The following EPS15L1 variants were observed in gnomAD, a reference collection of about 807,000 sequenced individuals.
EPS15L1 encodes epidermal growth factor receptor pathway substrate 15 like 1.
In EPS15L1, 43 loss-of-function variants were observed where a neutral mutation model predicts 117.1. The ratio of observed to expected loss-of-function variants is 0.37; its 90% CI spans 0.29 to 0.47. The LOEUF is 0.47. EPS15L1 is among the 20% of genes least tolerant of loss of function. EPS15L1 has a pLI of 0.99. For missense variants in EPS15L1, 981 were observed against 1,164.0 expected (o/e 0.84, Z 2.29); for synonymous variants, 459 against 470.5 (o/e 0.98, Z 0.32).
chr19:16,398,396 A>G (rs566782405), intron 16 of EPS15L1, among the ~76,000 whole-genome samples: 63 of 152,364 alleles, frequency 4.1e-4, no homozygotes, highest in Admixed American at 9.8e-4. Context: ...AGCTGGAGAC[A>G]GTGCTGAGTG....
Position 16,463,975 on chromosome 19 carries a change from A to G in EPS15L1, c.33+7938T>C, listed in dbSNP as rs112350245. Among the ~76,000 whole-genome samples, 25 of 152,360 alleles carry G rather than the reference A, an allele frequency of 1.6e-4. 1 individual carries two copies. The highest frequency in any genetic ancestry group is 5.5e-4 in the African/African-American group (23 of 41,588). On this transcript the variant is annotated intron_variant, in intron 1 of 23. Transcript: ENST00000455140. ...TGCGCAGATGACAGAAAGAGGGGCC[A>G]GGGGGCCACAGAGCAGAGGGAATGA...
rs2092405915 is a variant in EPS15L1 at position 16,385,143 on chromosome 19, T to A, written c.2233A>T (p.Ser745Cys). ...FNSAEGFADF[S>C]QMSKPPPSGP... ...AGGGGCTTTACCTTGGACATCTGGC[T>A]GAAGTCGGCAAAGCCTTCAGCACTA... is the stretch of plus-strand genomic sequence containing the variant. Residue 745 changes from serine (S) to cysteine (C), a missense_variant, in exon 21 of 24, where the codon AGC becomes TGC. By Grantham distance (112) the Ser-to-Cys change is moderately radical. This residue lies in a region of EPS15L1 where 819 missense variants were observed against 949.0 expected (regional missense o/e 0.86). Transcript: ENST00000455140. 1 of 1,613,968 alleles carries A rather than the reference T, an allele frequency of 6.2e-7. No homozygotes were observed. Among genetic ancestry groups the A allele is most frequent in the Admixed American group, 1.7e-5 (1 of 60,008 alleles).
At chr19:16,391,100 G>GT (rs1555744602) in intron 19 of EPS15L1, among the ~76,000 whole-genome samples, 2 of 152,240 alleles carry the variant, frequency 1.3e-5, no homozygotes, top group East Asian at 1.9e-4. Flanking sequence ...TTGAACCATC[G>GT]TAAGTCAGGG....
chr19:16,436,967 C>T lies in EPS15L1; in HGVS notation c.342G>A (p.Pro114=), dbSNP rs33914440. 0.064 allele frequency: 103,737 copies of T among 1,613,204 alleles called. 3,877 individuals are homozygous for T. Among genetic ancestry groups the T allele is most frequent in the Non-Finnish European group, 0.078 (92,208 of 1,179,192 alleles). ...HDTSSPLMVT[P]PSAEAHWAVR... ...CAGCCCAGTGGGCCTCTGCAGAGGG[C>T]GGTGTGACCATCAGAGGGCTGCTGG... Residue 114 remains proline (P), a synonymous_variant, in exon 6 of 24, where the codon CCG becomes CCA. Transcript: ENST00000455140.
chr19:16,465,822 T>C (rs575548141), intron 1 of EPS15L1, among the ~76,000 whole-genome samples: 3 of 152,206 alleles, frequency 2.0e-5, no homozygotes, highest in African/African-American at 7.2e-5. Flanking sequence ...GGTTAGGAGA[T>C]GTCATAAACT....
intron 4 of EPS15L1, 43 bp downstream of exon 4, chr19:16,440,819 T>C: frequency 6.2e-7 from 1 of 1,601,040 alleles, no homozygotes; most frequent in Non-Finnish European, 8.6e-7. Flanking sequence ...GCCTGGGGGC[T>C]CTGCCCAGCC....
At chr19:16,413,376 G>C in intron 13 of EPS15L1, 1 of 693,380 alleles carries the variant, frequency 1.4e-6, no homozygotes, top group Non-Finnish European at 2.6e-6. Context: ...CTCAGCCAGG[G>C]GCTGCACTGC....
At chr19:16,376,977 G>A (rs1405199068) in intron 22 of EPS15L1, 145 bp downstream of exon 22, 1 of 1,055,512 alleles carries the variant, frequency 9.5e-7, no homozygotes, top group Admixed American at 2.8e-5. Context: ...GTGGACCTGG[G>A]CAGCTGGGCC....
rs1200714976 is a variant in EPS15L1, at chr19:16,404,008, C to T, written c.1429-78G>A. ...GGGACTCCGAGAAAGAACTCTTAGC[C>T]CCCATCCCCGAAACAAGCTAAGCCA... On this transcript the variant is annotated intron_variant, in intron 14 of 23. Coordinates refer to ENST00000455140, the MANE Select transcript of EPS15L1 (RefSeq NM_001258374.3). The surrounding 1 kb of genome is among the most constrained non-coding windows in gnomAD (Gnocchi z 4.2). 4 of 1,358,744 alleles carry T rather than the reference C, an allele frequency of 2.9e-6. No homozygotes were observed. Among genetic ancestry groups the T allele is most frequent in the Middle Eastern group, 3.8e-4 (2 of 5,270 alleles). 84.2% of individuals were successfully genotyped at this position (1,358,744 alleles called of 1,614,324 possible).
chr19:16,422,726 G>A (rs2092829209), intron 9 of EPS15L1, among the ~76,000 whole-genome samples: 1 of 151,828 alleles, frequency 6.6e-6, no homozygotes, highest in East Asian at 1.9e-4. Context: ...GGAGGCTGAG[G>A]TGGGTGGATC....
At chr19:16,449,477 C>T (rs1246701378) in intron 1 of EPS15L1, among the ~76,000 whole-genome samples, 1 of 152,116 alleles carries the variant, frequency 6.6e-6, no homozygotes, top group Non-Finnish European at 1.5e-5. Context: ...ATAGTGACAA[C>T]ATCAAATGCT....
chr19:16,455,914 C>T (rs1482152346), intron 1 of EPS15L1, among the ~76,000 whole-genome samples: 2 of 152,172 alleles, frequency 1.3e-5, no homozygotes, highest in Non-Finnish European at 2.9e-5. Context: ...ATAAAACCTC[C>T]TGAAAGCCAG....
chr19:16,443,428 G>A (rs1393677052), intron 1 of EPS15L1: 1 of 152,248 alleles, frequency 6.6e-6, no homozygotes, highest in Non-Finnish European at 1.5e-5. Context: ...TAATGCCCAG[G>A]CCGGGCGCAG....
chr19:16,414,880 T>C (rs2092743300), intron 12 of EPS15L1, among the ~76,000 whole-genome samples: 1 of 152,026 alleles, frequency 6.6e-6, no homozygotes, highest in Admixed American at 6.6e-5. Flanking sequence ...TGGCTAATTT[T>C]TTATTTTTTG....
At chr19:16,400,826 T>C (rs1161675654) in intron 16 of EPS15L1, 4 of 985,376 alleles carry the variant, frequency 4.1e-6, no homozygotes, top group Non-Finnish European at 4.8e-6. Context: ...GGGGAATCAC[T>C]GGCCACTTGC....
intron 12 of EPS15L1, among the ~76,000 whole-genome samples, chr19:16,414,320 C>G (rs184395500): frequency 1.3e-5 from 2 of 152,288 alleles, no homozygotes; most frequent in South Asian, 4.1e-4. Flanking sequence ...TCCCCTAGAG[C>G]CTCCAACAAG....
At chr19:16,455,779 G>T (rs2093189287) in intron 1 of EPS15L1, among the ~76,000 whole-genome samples, 3 of 152,182 alleles carry the variant, frequency 2.0e-5, no homozygotes, top group Admixed American at 6.5e-5. Flanking sequence ...ACCGGCTGTT[G>T]TGATTCCTGG....
At chr19:16,449,968 G>A (rs1290776221) in intron 1 of EPS15L1, among the ~76,000 whole-genome samples, 1 of 152,082 alleles carries the variant, frequency 6.6e-6, no homozygotes, top group Non-Finnish European at 1.5e-5. Context: ...GAAATGAACA[G>A]AGTGGTGGTT....
chr19:16,441,462 A>G (rs2093030778), intron 3 of EPS15L1: 1 of 167,710 alleles, frequency 6.0e-6, no homozygotes, highest in Admixed American at 5.9e-5. Context: ...ACAGAGCGAG[A>G]CTGTCTCAAA....
Sources: gnomAD v4.1 joint callset for allele counts (sites outside exome capture counted in the v4.1 genomes callset) on GRCh38, gnomAD v4.1.1 for gene constraint, gnomAD v4.1.1 regional missense constraint, Gnocchi (gnomAD v3.1) non-coding constraint, MANE v1.5 for transcripts, NCBI Gene and HGNC (gene_info 2026-07-23, HGNC 2026-07-21) for gene names.